SPAG17: variants seen among roughly 807,000 people sequenced by gnomAD.
SPAG17 encodes sperm-associated antigen 17.
Under a neutral mutation model 273.6 loss-of-function variants are expected in SPAG17, and 169 were observed. That is an observed-to-expected ratio of 0.62 (90% CI 0.55 to 0.70). SPAG17 has a LOEUF of 0.70. Among genes scored for constraint, SPAG17 ranks in the 30% least tolerant of loss-of-function variants. SPAG17 has a pLI of 0.00. For synonymous variants in SPAG17, 825 were observed against 873.2 expected, an observed-to-expected ratio of 0.94 and a Z score of 0.97; for missense variants, 2,557 against 2,627.8, an observed-to-expected ratio of 0.97 and a Z score of 0.59.
chr1:118,061,611 G>C (rs1381351948), intron 18 of SPAG17, among the ~76,000 whole-genome samples: 1 of 152,072 alleles, frequency 6.6e-6, no homozygotes, highest in East Asian at 1.9e-4. Flanking sequence ...TAAAAGAAGG[G>C]ATCACGTGTT....
chr1:118,064,189 G>A (rs573737303), intron 18 of SPAG17, among the ~76,000 whole-genome samples: 153 of 152,156 alleles, frequency 1.0e-3, no homozygotes, highest in Admixed American at 1.4e-3. Context: ...GATTCCTCAG[G>A]GATCTAGAAC....
chr1:118,091,860 G>T, intron 9 of SPAG17, 70 bp downstream of exon 9: 1 of 1,488,280 alleles, frequency 6.7e-7, no homozygotes, highest in South Asian at 1.1e-5. Flanking sequence ...AAGTAATATG[G>T]AGGGCAGTCA....
intron 47 of SPAG17, chr1:117,964,374 A>G: frequency 6.5e-6 from 1 of 153,406 alleles, no homozygotes; most frequent in East Asian, 1.9e-4. Context: ...AGGGAAATAG[A>G]AAATTTATTA....
At chr1:118,092,897 T>C (rs536444265) in intron 8 of SPAG17, among the ~76,000 whole-genome samples, 1 of 152,354 alleles carries the variant, frequency 6.6e-6, no homozygotes, top group Non-Finnish European at 1.5e-5. Flanking sequence ...CTGCAATTAC[T>C]TTGTCAATAT....
chr1:118,124,578 T>TCC (rs1184909783), intron 3 of SPAG17, among the ~76,000 whole-genome samples: 1 of 152,234 alleles, frequency 6.6e-6, no homozygotes, highest in African/African-American at 2.4e-5. Flanking sequence ...ATTACAAAGC[T>TCC]TTAGGAATAT....
rs1656083373 is a variant in SPAG17 at position 117,983,689 on chromosome 1, T to A, written c.5872+122A>T. 4 of 507,714 alleles carry A rather than the reference T, an allele frequency of 7.9e-6. No individual in the cohort carries two copies. The Admixed American group carries it at 1.3e-4, about 17-fold the overall frequency. The allele number at this position is 507,714 out of a possible 1,614,324, so 31.5% of individuals were successfully genotyped here. A position where few individuals can be genotyped will look rare whatever the true frequency, so the allele number is the denominator to read the frequency against. Reference sequence around the variant, plus strand: ...TTCTCATATAACTCAGCCAGATCTGTCATATGCAGGTCACTGTAGGCTATG... The same window carrying A: ...TTCTCATATAACTCAGCCAGATCTGACATATGCAGGTCACTGTAGGCTATG... On this transcript the variant is annotated intron_variant, in intron 42 of 48. Transcript: ENST00000336338.
At chr1:118,035,388 T>C (rs1017257691) in intron 24 of SPAG17, among the ~76,000 whole-genome samples, 2 of 152,182 alleles carry the variant, frequency 1.3e-5, no homozygotes, top group Non-Finnish European at 2.9e-5. Context: ...AAAATAATGA[T>C]AACCTATATT....
chr1:118,005,173 A>G (rs1658744858), intron 32 of SPAG17, among the ~76,000 whole-genome samples: 1 of 152,122 alleles, frequency 6.6e-6, no homozygotes, highest in Admixed American at 6.5e-5. Flanking sequence ...TGTTCTAATT[A>G]TTTATTTAGC....
intron 3 of SPAG17, among the ~76,000 whole-genome samples, chr1:118,119,591 T>A (rs957120754): frequency 2.0e-5 from 3 of 152,142 alleles, no homozygotes; most frequent in Non-Finnish European, 4.4e-5. Context: ...TTCAACCTAT[T>A]TTGGGGAGGT....
At chr1:118,169,645 A>G (rs920004744) in intron 1 of SPAG17, among the ~76,000 whole-genome samples, 1 of 152,204 alleles carries the variant, frequency 6.6e-6, no homozygotes, top group African/African-American at 2.4e-5. Context: ...ATGCACTTCA[A>G]TTCAACTGAA....
intron 3 of SPAG17, among the ~76,000 whole-genome samples, chr1:118,122,153 C>CTGTGTGTGTGTG (rs34125128): frequency 3.4e-4 from 51 of 149,260 alleles, no homozygotes; most frequent in African/African-American, 1.2e-3. Context: ...GTCTGTGTGT[C>CTGTGTGTGTGTG]TGTGTGTGTG....
chr1:118,118,662 C>T (rs12136574), intron 3 of SPAG17, among the ~76,000 whole-genome samples: 9,253 of 152,186 alleles, frequency 0.061, 427 homozygotes, highest in East Asian at 0.25. Flanking sequence ...CTGCCAGGAC[C>T]GGAGAGAGGC....
intron 25 of SPAG17, among the ~76,000 whole-genome samples, chr1:118,028,693 G>C (rs533561331): frequency 6.6e-6 from 1 of 152,198 alleles, no homozygotes; most frequent in Non-Finnish European, 1.5e-5. Flanking sequence ...GGGGCTTGAA[G>C]TGGGCCTTGA....
intron 4 of SPAG17, among the ~76,000 whole-genome samples, chr1:118,109,477 C>T (rs1217065724): frequency 6.7e-6 from 1 of 149,696 alleles, no homozygotes; most frequent in Non-Finnish European, 1.5e-5. Flanking sequence ...ATCACTTGAA[C>T]CTGGGAGGCA....
chr1:117,973,655 G>A, intron 43 of SPAG17, 94 bp from the exon 44 acceptor site: 1 of 1,283,176 alleles, frequency 7.8e-7, no homozygotes, highest in Non-Finnish European at 1.0e-6. Context: ...AAACCAACTT[G>A]GAAACTTTTT....
intron 20 of SPAG17, among the ~76,000 whole-genome samples, chr1:118,043,276 T>C (rs979546408): frequency 3.3e-5 from 5 of 152,198 alleles, no homozygotes; most frequent in African/African-American, 1.2e-4. Context: ...AGAAAGACGT[T>C]CATCCTAACA....
intron 25 of SPAG17, 72 bp from the exon 26 acceptor site, chr1:118,028,466 C>T: frequency 6.4e-7 from 1 of 1,574,338 alleles, no homozygotes; most frequent in Non-Finnish European, 8.6e-7. Context: ...TTGACTAAGC[C>T]AGGATATGCT....
In SPAG17 at chr1:118,099,990, G is replaced by T. The variant is rs144476381; in HGVS notation, c.635-190C>A. On this transcript the variant is annotated intron_variant, in intron 5 of 48. Coordinates refer to ENST00000336338, the MANE Select transcript of SPAG17 (RefSeq NM_206996.4). Reference sequence around the variant, plus strand: ...ATTGCCCTTCCAGTAAGACGGCTGTGACTATTTTACAAAATATTAAATCAC... The same window carrying T: ...ATTGCCCTTCCAGTAAGACGGCTGTTACTATTTTACAAAATATTAAATCAC... Among the ~76,000 whole-genome samples, 29 of 152,308 alleles carry T rather than the reference G, an allele frequency of 1.9e-4. No homozygotes were observed. In the East Asian group the frequency reaches 5.6e-3, roughly 29 times the overall value.
intron 3 of SPAG17, among the ~76,000 whole-genome samples, chr1:118,135,452 T>C (rs1031867843): frequency 9.2e-5 from 14 of 151,414 alleles, no homozygotes; most frequent in East Asian, 1.9e-4. Context: ...TGTTCAATTA[T>C]GGAGCAAAGC....
Sources: allele counts gnomAD v4.1 joint callset (sites outside exome capture counted in the v4.1 genomes callset), GRCh38; gene constraint gnomAD v4.1.1; transcripts MANE v1.5; gene names NCBI Gene and HGNC (gene_info 2026-07-23, HGNC 2026-07-21).